The following KBTBD7 variants were observed in gnomAD, a reference collection of about 807,000 sequenced individuals.
KBTBD7 encodes kelch repeat and BTB domain containing 7.
In KBTBD7, 25 loss-of-function variants were observed where a neutral mutation model predicts 50.3. That is an observed-to-expected ratio of 0.50 (90% CI 0.36 to 0.69). The LOEUF is 0.69. Among genes scored for constraint, KBTBD7 ranks in the 30% least tolerant of loss-of-function variants. The probability of loss-of-function intolerance (pLI) is 0.00; values close to 1 mark genes in which losing one functional copy is unlikely to be tolerated. For missense variants in KBTBD7, 653 were observed against 869.5 expected (o/e 0.75, Z 3.13); for synonymous variants, 305 against 325.3 (o/e 0.94, Z 0.67).
rs2031463626 is a variant in KBTBD7 at position 41,193,951 on chromosome 13, C to T, written c.307G>A (p.Gly103Ser). ...CPYFKSMFTGGMYESQQASVT... is the reference protein window; with the variant it reads ...CPYFKSMFTGSMYESQQASVT... ...CTGGCCTGCTGGCTCTCGTACATGC[C>T]ACCTGTGAACATGCTCTTGAAGTAG... Residue 103 changes from glycine to serine, a missense_variant, in exon 1 of 1, where the codon GGC (glycine) becomes AGC (serine). Around this residue, in one of 3 missense-constraint regions of KBTBD7, gnomAD observed 8 missense variants for 27.4 expected, o/e 0.29. Coordinates refer to ENST00000379483, the MANE Select transcript of KBTBD7 (RefSeq NM_032138.7). The surrounding 1 kb of genome is among the most constrained non-coding windows in gnomAD (Gnocchi z 5.7). 1 of 1,613,826 alleles carries T rather than the reference C, an allele frequency of 6.2e-7. No individual in the cohort carries two copies. The highest frequency in any genetic ancestry group is 1.7e-5 in the Admixed American group (1 of 59,966).
chr13:41,192,633 C>A lies in KBTBD7; in HGVS notation c.1625G>T (p.Gly542Val), dbSNP rs757912355. ...AATATTACTAATCCGCCTCCATTCTCCCCTAGCTGGGTTGTAGACCTTCAT... is the reference window on the plus strand; with the variant it reads ...AATATTACTAATCCGCCTCCATTCTACCCTAGCTGGGTTGTAGACCTTCAT... ...PVMKVYNPAR[G>V]EWRRISNIPL... is the part of the protein sequence containing the mutation. Residue 542 changes from glycine (G) to valine (V), a missense_variant, in exon 1 of 1, where the codon GGA becomes GTA. Coordinates refer to ENST00000379483, the MANE Select transcript of KBTBD7 (RefSeq NM_032138.7). The A allele has an allele frequency of 6.2e-7, 1 of 1,614,178 alleles. No individual in the cohort carries two copies. Among genetic ancestry groups the A allele is most frequent in the Non-Finnish European group, 8.5e-7 (1 of 1,180,036 alleles).
chr13:41,192,331 C>T lies in KBTBD7; in HGVS notation c.1927G>A (p.Glu643Lys). 6.2e-7 allele frequency: 1 copy of T among 1,614,156 alleles called. No individual in the cohort carries two copies. The highest frequency in any genetic ancestry group is 8.5e-7 in the Non-Finnish European group (1 of 1,179,998). The change falls in exon 1 of 1, where the codon GAA (glutamate) becomes AAA (lysine). Residue 643 changes from glutamate to lysine, a missense_variant. By Grantham distance (56) the Glu-to-Lys change is moderately conservative. Transcript: ENST00000379483. ...TCACTGAATCCATCTAAGTCCCATTCAGTACTAGACTCACTCCGTGCATCA... is the reference window on the plus strand; with the variant it reads ...TCACTGAATCCATCTAAGTCCCATTTAGTACTAGACTCACTCCGTGCATCA... ...EDDARSESSTEWDLDGFSELD... is the reference protein window; with the variant it reads ...EDDARSESSTKWDLDGFSELD...
At position 41,194,503 on chromosome 13, in the gene KBTBD7, T is replaced by C; in HGVS notation, c.-246A>G. The stretch of plus-strand genomic sequence containing the variant: ...CTCCGCTCGCCCTCACAGGACCCGC[T>C]GGCTTGCAGCCGCGGAAGCCCCCAC... On this transcript the variant is annotated 5_prime_UTR_variant, in exon 1 of 1. Coordinates refer to ENST00000379483, the MANE Select transcript of KBTBD7 (RefSeq NM_032138.7). 3.6e-6 allele frequency: 2 copies of C among 554,508 alleles called. No homozygotes were observed. Among genetic ancestry groups the C allele is most frequent in the Non-Finnish European group, 6.5e-6 (2 of 309,270 alleles). 34.3% of individuals were successfully genotyped at this position (554,508 alleles called of 1,614,324 possible). A position where few individuals can be genotyped will look rare whatever the true frequency, so the allele number is the denominator to read the frequency against.
At position 41,192,669 on chromosome 13, in the gene KBTBD7, T is replaced by C; in HGVS notation, c.1589A>G (p.Asp530Gly). The C allele has an allele frequency of 6.2e-7, 1 of 1,614,180 alleles. No homozygotes were observed. The highest frequency in any genetic ancestry group is 8.5e-7 in the Non-Finnish European group (1 of 1,180,042). Residue 530 changes from aspartate to glycine, a missense_variant, in exon 1 of 1, where the codon GAC becomes GGC. By Grantham distance (94) the Asp-to-Gly change is moderately conservative. Around this residue, in one of 3 missense-constraint regions of KBTBD7, gnomAD observed 526 missense variants for 717.1 expected, o/e 0.73. Coordinates refer to ENST00000379483, the MANE Select transcript of KBTBD7 (RefSeq NM_032138.7). ...VFNDEIYCIC[D>G]IPVMKVYNPA... ...GTTGTAGACCTTCATGACTGGGATG[T>C]CACAGATACAATAGATTTCATCATT...
At position 41,193,345 on chromosome 13, in the gene KBTBD7, C is replaced by T; in HGVS notation, c.913G>A (p.Asp305Asn). Residue 305 changes from aspartate (D) to asparagine (N), a missense_variant, in exon 1 of 1, where the codon GAC (aspartate) becomes AAC (asparagine). By Grantham distance (23) the Asp-to-Asn change is conservative. This residue lies in a region of KBTBD7 where 526 missense variants were observed against 717.1 expected (regional missense o/e 0.73). Coordinates refer to ENST00000379483, the MANE Select transcript of KBTBD7 (RefSeq NM_032138.7). This position sits in a 1 kb window ranked among gnomAD's most constrained non-coding sequence, Gnocchi z 5.7. ...IEGALQMRYG[D>N]LLYKSLVPVP... Reference sequence around the variant, plus strand: ...GGCACCAGAGACTTGTACAACAGGTCACCATAGCGCATCTGCAGGGCCCCT... The same window carrying T: ...GGCACCAGAGACTTGTACAACAGGTTACCATAGCGCATCTGCAGGGCCCCT... 1 of 1,611,082 alleles carries T rather than the reference C, an allele frequency of 6.2e-7. No homozygotes were observed.
In KBTBD7 at chr13:41,192,475, A is replaced by G. The variant is rs756498539; in HGVS notation, c.1783T>C (p.Trp595Arg). The G allele has an allele frequency of 6.2e-7, 1 of 1,614,152 alleles. No homozygotes were observed. Among genetic ancestry groups the G allele is most frequent in the Admixed American group, 1.7e-5 (1 of 60,014 alleles). The change falls in exon 1 of 1, where the codon TGG (tryptophan) becomes CGG (arginine). Residue 595 changes from tryptophan (W) to arginine (R), a missense_variant. Coordinates refer to ENST00000379483, the MANE Select transcript of KBTBD7 (RefSeq NM_032138.7). ...VYEYDTREDQWINIGTMLGLL... is the reference protein window; with the variant it reads ...VYEYDTREDQRINIGTMLGLL... ...CCTAACATGGTACCTATATTAATCC[A>G]CTGATCTTCCCTAGTATCATACTCA... is the stretch of plus-strand genomic sequence containing the variant.
At position 41,192,488 on chromosome 13, in the gene KBTBD7, A is replaced by G. The variant is rs967161615; in HGVS notation, c.1770T>C (p.Thr590=). 2.5e-6 allele frequency: 4 copies of G among 1,614,236 alleles called. No individual in the cohort carries two copies. Among genetic ancestry groups the G allele is most frequent in the Admixed American group, 1.7e-5 (1 of 60,032 alleles). Residue 590 remains threonine (T), a synonymous_variant, in exon 1 of 1, where the codon ACT becomes ACC. Transcript: ENST00000379483. The part of the protein sequence containing the change: ...KNRVTVYEYD[T]REDQWINIGT... ...CTATATTAATCCACTGATCTTCCCT[A>G]GTATCATACTCATACACTGTCACTC...
chr13:41,192,291 G>A lies in KBTBD7; in HGVS notation c.1967C>T (p.Ser656Leu). Residue 656 changes from serine (S) to leucine (L), a missense_variant, in exon 1 of 1, where the codon TCA becomes TTA. Ser to Leu is a moderately radical substitution (Grantham distance 145). Coordinates refer to ENST00000379483, the MANE Select transcript of KBTBD7 (RefSeq NM_032138.7). The stretch of plus-strand genomic sequence containing the variant: ...ATCTGAAAAAGAACTTGAACTTCCT[G>A]ACTCAGAGTCCAGCTCACTGAATCC... ...LDGFSELDSE[S>L]GSSSSFSDDE... 1 of 1,614,156 alleles carries A rather than the reference G, an allele frequency of 6.2e-7. No homozygotes were observed. The highest frequency in any genetic ancestry group is 2.2e-5 in the East Asian group (1 of 44,882).
At position 41,194,454 on chromosome 13, in the gene KBTBD7, C is replaced by T; in HGVS notation, c.-197G>A. 2 of 706,282 alleles carry T rather than the reference C, an allele frequency of 2.8e-6. No homozygotes were observed. The highest frequency in any genetic ancestry group is 4.7e-6 in the Non-Finnish European group (2 of 427,894). 43.8% of individuals were successfully genotyped at this position (706,282 alleles called of 1,614,324 possible). Reference sequence around the variant, plus strand: ...ATAGACAGTGGCTGACTCACCCTCTCTCACTCCCGCGCCCTTTCTCCGCCT... The same window carrying T: ...ATAGACAGTGGCTGACTCACCCTCTTTCACTCCCGCGCCCTTTCTCCGCCT... On this transcript the variant is annotated 5_prime_UTR_variant, in exon 1 of 1. Transcript: ENST00000379483.
rs777128904 is a variant in KBTBD7 at position 41,193,562 on chromosome 13, G to A, written c.696C>T (p.Asp232=). 3 of 1,614,220 alleles carry A rather than the reference G, an allele frequency of 1.9e-6. No individual in the cohort carries two copies. The highest frequency in any genetic ancestry group is 2.5e-6 in the Non-Finnish European group (3 of 1,180,044). Residue 232 remains aspartate, a synonymous_variant, in exon 1 of 1, where the codon GAC becomes GAT. Coordinates refer to ENST00000379483, the MANE Select transcript of KBTBD7 (RefSeq NM_032138.7). This position sits in a 1 kb window ranked among gnomAD's most constrained non-coding sequence, Gnocchi z 5.7. The stretch of plus-strand genomic sequence containing the variant: ...GGCATACAGTCCGCTCACTCTCTAT[G>A]TCCAGACTATCCAGGCGTAGGACAG... ...LLAVLRLDSL[D]IESERTVCHV... is the part of the protein sequence containing the mutation.
In KBTBD7 at chr13:41,192,215, C is replaced by A; in HGVS notation, c.2043G>T (p.Gln681His). 3.7e-6 allele frequency: 6 copies of A among 1,611,288 alleles called. No individual in the cohort carries two copies. Among genetic ancestry groups the A allele is most frequent in the Admixed American group, 1.7e-5 (1 of 59,574 alleles). ...CTCAAAATACTATTTACAAAGAACCCTGCTGATCCTGTGCATTTCGCTGAG... is the reference window on the plus strand; with the variant it reads ...CTCAAAATACTATTTACAAAGAACCATGCTGATCCTGTGCATTTCGCTGAG... ...VAPQRNAQDQ[Q>H]GSL Residue 681 changes from glutamine (Q) to histidine (H), a missense_variant, in exon 1 of 1, where the codon CAG (glutamine) becomes CAT (histidine). Gln to His is a conservative substitution (Grantham distance 24). This residue lies in a region of KBTBD7 where 526 missense variants were observed against 717.1 expected (regional missense o/e 0.73). Coordinates refer to ENST00000379483, the MANE Select transcript of KBTBD7 (RefSeq NM_032138.7).
Position 41,194,165 on chromosome 13 carries a change from C to A in KBTBD7, c.93G>T (p.Ser31=), listed in dbSNP as rs1278604771. 5.0e-6 allele frequency: 8 copies of A among 1,614,086 alleles called. No homozygotes were observed. Among genetic ancestry groups the A allele is most frequent in the African/African-American group, 1.3e-5 (1 of 74,932 alleles). Reference sequence around the variant, plus strand: ...ACTCCTCTGGACCCGTGAAAAAGGCCGAAACCGAGGGCTTGGAAATCCTCT... The same window carrying A: ...ACTCCTCTGGACCCGTGAAAAAGGCAGAAACCGAGGGCTTGGAAATCCTCT... ...RPKRISKPSV[S]AFFTGPEELK... is the part of the protein sequence containing the mutation. The change falls in exon 1 of 1, where the codon TCG becomes TCT. Residue 31 remains serine (S), a synonymous_variant. Coordinates refer to ENST00000379483, the MANE Select transcript of KBTBD7 (RefSeq NM_032138.7).
Position 41,192,105 on chromosome 13 carries a change from T to G in KBTBD7, c.*98A>C, listed in dbSNP as rs945726119. 1.6e-5 allele frequency: 19 copies of G among 1,201,724 alleles called. No homozygotes were observed. In the African/African-American group the frequency reaches 2.9e-4, roughly 18 times the overall value. The allele number at this position is 1,201,724 out of a possible 1,614,324, so 74.4% of individuals were successfully genotyped here. On this transcript the variant is annotated 3_prime_UTR_variant, in exon 1 of 1. Coordinates refer to ENST00000379483, the MANE Select transcript of KBTBD7 (RefSeq NM_032138.7). ...AATATTACCCTTTCTAAACCAAATC[T>G]GTGGTCCTAATCAACTTTTTTTCCA...
Position 41,194,399 on chromosome 13 carries a change from C to T in KBTBD7, c.-142G>A. ...ACGGGCCGCACTTCTGAATTCAGCC[C>T]TATCCCGCGGTGAGGCCTCCCTTTA... On this transcript the variant is annotated 5_prime_UTR_variant, in exon 1 of 1. Transcript: ENST00000379483. 3 of 1,169,096 alleles carry T rather than the reference C, an allele frequency of 2.6e-6. No homozygotes were observed. The highest frequency in any genetic ancestry group is 3.6e-6 in the Non-Finnish European group (3 of 839,910). 72.4% of individuals were successfully genotyped at this position (1,169,096 alleles called of 1,614,324 possible).
Position 41,191,244 on chromosome 13 carries a change from G to A in KBTBD7, c.*959C>T, listed in dbSNP as rs930229752. 6.6e-5 allele frequency: 10 copies of A among 152,032 alleles called. No homozygotes were observed. Among genetic ancestry groups the A allele is most frequent in the African/African-American group, 2.4e-4 (10 of 41,408 alleles). 9.4% of individuals were successfully genotyped at this position (152,032 alleles called of 1,614,324 possible). A position where few individuals can be genotyped will look rare whatever the true frequency, so the allele number is the denominator to read the frequency against. On this transcript the variant is annotated 3_prime_UTR_variant, in exon 1 of 1. Transcript: ENST00000379483. ...AACCTACACAGCCAAAATATTTTAGGGAGGCAAGTAAACATTTTAAGACAA... is the reference window on the plus strand; with the variant it reads ...AACCTACACAGCCAAAATATTTTAGAGAGGCAAGTAAACATTTTAAGACAA...
rs1316151941 is a variant in KBTBD7 at position 41,193,796 on chromosome 13, T to A, written c.462A>T (p.Glu154Asp). 1.2e-6 allele frequency: 2 copies of A among 1,614,208 alleles called. No individual in the cohort carries two copies. The highest frequency in any genetic ancestry group is 1.7e-6 in the Non-Finnish European group (2 of 1,180,028). ...AGGAGGCACAGGCTTCCCGCACATA[T>A]TCCAGCTGTAGCATGTCGGAGGCCG... is the stretch of plus-strand genomic sequence containing the variant. ...LYAASDMLQL[E>D]YVREACASFL... The change falls in exon 1 of 1, where the codon GAA (glutamate) becomes GAT (aspartate). Residue 154 changes from glutamate to aspartate, a missense_variant. Physicochemically the swap from Glu to Asp is conservative, Grantham distance 45. Coordinates refer to ENST00000379483, the MANE Select transcript of KBTBD7 (RefSeq NM_032138.7). The surrounding 1 kb of genome is among the most constrained non-coding windows in gnomAD (Gnocchi z 5.7).
chr13:41,194,193 G>C lies in KBTBD7; in HGVS notation c.65C>G (p.Pro22Arg). 6.2e-7 allele frequency: 1 copy of C among 1,614,140 alleles called. No individual in the cohort carries two copies. Among genetic ancestry groups the C allele is most frequent in the Non-Finnish European group, 8.5e-7 (1 of 1,180,028 alleles). ...AACCGAGGGCTTGGAAATCCTCTTGGGCCGCCTCCCACCACGGGGACTGGC... is the reference window on the plus strand; with the variant it reads ...AACCGAGGGCTTGGAAATCCTCTTGCGCCGCCTCCCACCACGGGGACTGGC... The part of the protein sequence containing the change: ...RLASPRGGRR[P>R]KRISKPSVSA... Residue 22 changes from proline (P) to arginine (R), a missense_variant, in exon 1 of 1, where the codon CCC (proline) becomes CGC (arginine). Transcript: ENST00000379483.
Position 41,193,934 on chromosome 13 carries a change from C to A in KBTBD7, c.324G>T (p.Gln108His). ...SMFTGGMYES[Q>H]QASVTMHDVD... is the part of the protein sequence containing the mutation. ...CATCGTGCATGGTCACGCTGGCCTG[C>A]TGGCTCTCGTACATGCCACCTGTGA... is the stretch of plus-strand genomic sequence containing the variant. The change falls in exon 1 of 1, where the codon CAG becomes CAT. Residue 108 changes from glutamine (Q) to histidine (H), a missense_variant. By Grantham distance (24) the Gln-to-His change is conservative. Around this residue, in one of 3 missense-constraint regions of KBTBD7, gnomAD observed 8 missense variants for 27.4 expected, o/e 0.29. Coordinates refer to ENST00000379483, the MANE Select transcript of KBTBD7 (RefSeq NM_032138.7). This position sits in a 1 kb window ranked among gnomAD's most constrained non-coding sequence, Gnocchi z 5.7. 8.1e-6 allele frequency: 13 copies of A among 1,613,870 alleles called. No individual in the cohort carries two copies. In the South Asian group the frequency reaches 1.3e-4, roughly 16 times the overall value.
chr13:41,192,497 C>T lies in KBTBD7; in HGVS notation c.1761G>A (p.Glu587=), dbSNP rs1383809335. 3.1e-6 allele frequency: 5 copies of T among 1,614,110 alleles called. No homozygotes were observed. Among genetic ancestry groups the T allele is most frequent in the South Asian group, 1.1e-5 (1 of 91,090 alleles). The change falls in exon 1 of 1, where the codon GAG becomes GAA. Residue 587 remains glutamate (E), a synonymous_variant. Transcript: ENST00000379483. The part of the protein sequence containing the change: ...QWKKNRVTVY[E]YDTREDQWIN... The stretch of plus-strand genomic sequence containing the variant: ...TCCACTGATCTTCCCTAGTATCATA[C>T]TCATACACTGTCACTCGGTTCTTTT...
Sources: gnomAD v4.1 joint callset for allele counts on GRCh38, gnomAD v4.1.1 for gene constraint, gnomAD v4.1.1 regional missense constraint, Gnocchi (gnomAD v3.1) non-coding constraint, MANE v1.5 for transcripts, NCBI Gene and HGNC (gene_info 2026-07-23, HGNC 2026-07-21) for gene names.